EPB41L3: variants seen among roughly 807,000 people sequenced by gnomAD.
The protein encoded by EPB41L3 is erythrocyte membrane protein band 4.1 like 3.
A neutral mutation model predicts 127.1 loss-of-function variants in EPB41L3; 57 were observed. The observed-to-expected ratio is 0.45, with a 90% CI of 0.36 to 0.56. The LOEUF (loss-of-function observed/expected upper bound fraction) is 0.56. Among genes scored for constraint, EPB41L3 ranks in the 20% least tolerant of loss-of-function variants. The probability of loss-of-function intolerance (pLI) is 0.00; values close to 1 mark genes in which losing one functional copy is unlikely to be tolerated. For missense variants in EPB41L3, 1,273 were observed against 1,372.2 expected, an observed-to-expected ratio of 0.93 and a Z score of 1.14; for synonymous variants, 572 against 549.5, an observed-to-expected ratio of 1.04 and a Z score of -0.57.
chr18:5,443,697 T>C, intron 5 of EPB41L3, 141 bp downstream of exon 5: 1 of 615,896 alleles, frequency 1.6e-6, no homozygotes, highest in Non-Finnish European at 2.8e-6. Context: ...ACAAAATGAA[T>C]ACTATCGGAA....
chr18:5,505,756 T>TCCCTCCACACCTTCACCTCCACCCCTC (rs2092127975), intron 1 of EPB41L3, among the ~76,000 whole-genome samples: 1 of 19,248 alleles, frequency 5.2e-5, no homozygotes, highest in Non-Finnish European at 1.0e-4. Flanking sequence ...CTCCACCCCT[T>TCCCTCCACACCTTCACCTCCACCCCTC]CCCTCCACAC....
At chr18:5,532,699 A>T (rs1184825031) in intron 1 of EPB41L3, among the ~76,000 whole-genome samples, 1 of 152,106 alleles carries the variant, frequency 6.6e-6, no homozygotes, top group Non-Finnish European at 1.5e-5. Flanking sequence ...ATATTTGGAG[A>T]AGAGATCATT....
At chr18:5,407,621 G>T in intron 15 of EPB41L3, 80 bp downstream of exon 15, 1 of 1,458,106 alleles carries the variant, frequency 6.9e-7, no homozygotes, top group Non-Finnish European at 9.6e-7. Context: ...TGAAAGATCT[G>T]AACGCTGTAG....
chr18:5,518,043 C>G (rs1446969800), intron 1 of EPB41L3, among the ~76,000 whole-genome samples: 1 of 152,146 alleles, frequency 6.6e-6, no homozygotes, highest in Non-Finnish European at 1.5e-5. Flanking sequence ...CCTAAGGGGT[C>G]TCCCTGCTCC....
In EPB41L3 at chr18:5,423,499, A is replaced by G; in HGVS notation, c.1218T>C (p.Phe406=). ...GCGCTTGTGTCCTGCCACTATAACG[A>G]AACTTGGAACCCAAGGTTAGGAATT... ...PKKFLTLGSK[F]RYSGRTQAQT... The change falls in exon 11 of 23, where the codon TTT becomes TTC. Residue 406 remains phenylalanine (F), a synonymous_variant. Transcript: ENST00000341928. 1.9e-6 allele frequency: 3 copies of G among 1,613,646 alleles called. No homozygotes were observed. The highest frequency in any genetic ancestry group is 2.5e-6 in the Non-Finnish European group (3 of 1,179,686).
At chr18:5,482,908 A>G (rs181108082) in intron 2 of EPB41L3, among the ~76,000 whole-genome samples, 46 of 152,306 alleles carry the variant, frequency 3.0e-4, no homozygotes, top group Admixed American at 2.8e-3. Context: ...AAAAATAAAA[A>G]TGAACCTTTC....
chr18:5,420,977 A>C (rs1003916116), intron 11 of EPB41L3, among the ~76,000 whole-genome samples: 6 of 152,242 alleles, frequency 3.9e-5, no homozygotes, highest in Non-Finnish European at 7.3e-5. Flanking sequence ...TATGAGACAC[A>C]ACTTCCTAAT....
At chr18:5,539,682 T>G (rs916940433) in intron 1 of EPB41L3, 3 of 152,234 alleles carry the variant, frequency 2.0e-5, no homozygotes, top group Non-Finnish European at 4.4e-5. Flanking sequence ...GGTTCTTCAT[T>G]TTTTATGCTG....
intron 1 of EPB41L3, among the ~76,000 whole-genome samples, chr18:5,515,687 T>C (rs772353256): frequency 8.5e-5 from 13 of 152,142 alleles, no homozygotes; most frequent in Non-Finnish European, 1.6e-4. Flanking sequence ...CCAGAAAAGA[T>C]AGCGTGAAAG....
chr18:5,450,632 A>C (rs530579038), intron 3 of EPB41L3, among the ~76,000 whole-genome samples: 22 of 151,088 alleles, frequency 1.5e-4, no homozygotes, highest in Admixed American at 1.3e-3. Context: ...AATTAATTAA[A>C]AAGGTTAGTA....
intron 11 of EPB41L3, among the ~76,000 whole-genome samples, chr18:5,422,127 C>G (rs1414578608): frequency 6.6e-6 from 1 of 152,020 alleles, no homozygotes; most frequent in Non-Finnish European, 1.5e-5. Flanking sequence ...CTAAAACAGA[C>G]CTGGAGAGCT....
At chr18:5,623,922 G>A (rs186668521) in intron 1 of EPB41L3, among the ~76,000 whole-genome samples, 56 of 152,092 alleles carry the variant, frequency 3.7e-4, no homozygotes, top group Non-Finnish European at 7.1e-4. Flanking sequence ...CTCCCAAAGC[G>A]CTGGGATTAT....
intron 3 of EPB41L3, among the ~76,000 whole-genome samples, chr18:5,448,280 G>A (rs982388553): frequency 7.2e-5 from 11 of 152,048 alleles, no homozygotes; most frequent in African/African-American, 2.7e-4. Context: ...GATGGAGGTG[G>A]GACATGACAT....
chr18:5,533,893 C>T (rs1231433112), intron 1 of EPB41L3, among the ~76,000 whole-genome samples: 2 of 152,170 alleles, frequency 1.3e-5, no homozygotes, highest in Non-Finnish European at 2.9e-5. Flanking sequence ...GGCCGGGCGC[C>T]GTGGCTGACG....
chr18:5,454,572 G>C (rs764019392), intron 3 of EPB41L3, among the ~76,000 whole-genome samples: 3 of 152,108 alleles, frequency 2.0e-5, no homozygotes, highest in Non-Finnish European at 4.4e-5. Flanking sequence ...TGACATGAGA[G>C]GCAGAGATCA....
chr18:5,444,266 G>A (rs111508814), intron 4 of EPB41L3, among the ~76,000 whole-genome samples: 2 of 152,294 alleles, frequency 1.3e-5, no homozygotes, highest in African/African-American at 4.8e-5. Context: ...TTCCACATTA[G>A]AGACTTCTGC....
chr18:5,602,612 C>T (rs1440820615), intron 3 of EPB41L3, among the ~76,000 whole-genome samples: 1 of 152,162 alleles, frequency 6.6e-6, no homozygotes, highest in Admixed American at 6.5e-5. Context: ...GCCCGTCTAA[C>T]TTTTTCTTTC....
upstream of EPB41L3, among the ~76,000 whole-genome samples, chr18:5,546,349 G>A (rs551716396): frequency 6.6e-6 from 1 of 152,180 alleles, no homozygotes; most frequent in South Asian, 2.1e-4. Context: ...TGGCCAAGAT[G>A]GTGAAACCCC....
intron 1 of EPB41L3, among the ~76,000 whole-genome samples, chr18:5,517,604 CT>C (rs1165667882): frequency 6.6e-6 from 1 of 151,854 alleles, no homozygotes; most frequent in East Asian, 1.9e-4. Flanking sequence ...CCTGGCTAAC[CT>C]TTTTGTATTT....
Sources: gnomAD v4.1 joint callset for allele counts (sites outside exome capture counted in the v4.1 genomes callset) on GRCh38, gnomAD v4.1.1 for gene constraint, MANE v1.5 for transcripts, NCBI Gene and HGNC (gene_info 2026-07-23, HGNC 2026-07-21) for gene names.